The following KIAA1217 variants were observed in gnomAD, a reference collection of about 807,000 sequenced individuals.
KIAA1217 encodes the protein KIAA1217, also known as sickle tail protein homolog.
In KIAA1217, 88 loss-of-function variants were observed where a neutral mutation model predicts 163.9. The observed-to-expected ratio is 0.54, with a 90% CI of 0.45 to 0.64. The LOEUF is 0.64. KIAA1217 is among the 30% of genes least tolerant of loss of function. KIAA1217 has a pLI of 0.00. For missense variants in KIAA1217, 2,372 were observed against 2,475.0 expected, an observed-to-expected ratio of 0.96 and a Z score of 0.88; for synonymous variants, 903 against 923.1, an observed-to-expected ratio of 0.98 and a Z score of 0.39.
chr10:24,075,332 G>C (rs2061336025), intron 2 of KIAA1217, among the ~76,000 whole-genome samples: 1 of 152,098 alleles, frequency 6.6e-6, no homozygotes, highest in African/African-American at 2.4e-5. Flanking sequence ...AACTCTTTAA[G>C]AGCTATTTCT....
chr10:24,154,190 C>T (rs1249793584), intron 2 of KIAA1217, among the ~76,000 whole-genome samples: 1 of 151,888 alleles, frequency 6.6e-6, no homozygotes, highest in African/African-American at 2.4e-5. Context: ...ATCTCCTGAC[C>T]TCGTGATCCG....
At chr10:24,501,889 C>T (rs1276648899) in intron 9 of KIAA1217, among the ~76,000 whole-genome samples, 2 of 151,742 alleles carry the variant, frequency 1.3e-5, no homozygotes, top group East Asian at 1.9e-4. Flanking sequence ...GCTGGAACTA[C>T]AGGCGCCCGC....
chr10:23,916,359 A>C (rs1479601925), intron 1 of KIAA1217, among the ~76,000 whole-genome samples: 1 of 152,174 alleles, frequency 6.6e-6, no homozygotes, highest in African/African-American at 2.4e-5. Context: ...TCTGGCTCTA[A>C]GCAAATCTTC....
chr10:23,851,282 C>A (rs986866279), intron 1 of KIAA1217, among the ~76,000 whole-genome samples: 10 of 151,844 alleles, frequency 6.6e-5, no homozygotes, highest in Non-Finnish European at 1.5e-4. Context: ...TTTGTCCTTG[C>A]GATAGTTTAC....
intron 14 of KIAA1217, among the ~76,000 whole-genome samples, chr10:24,530,695 C>T (rs1318502181): frequency 6.6e-6 from 1 of 152,056 alleles, no homozygotes; most frequent in Non-Finnish European, 1.5e-5. Context: ...GCCAGGACTT[C>T]AAGAGCAGCC....
chr10:23,938,190 G>A lies in KIAA1217; in HGVS notation c.-320-69035G>A, dbSNP rs138527293. On this transcript the variant is annotated intron_variant, in intron 1 of 18. Coordinates refer to the KIAA1217 transcript ENST00000376462. Reference sequence around the variant, plus strand: ...TTCCTCAGAGCTCACGCAAGACTTGGAATAGTCGGTGTTTCCACCAGGCAA... The same window carrying A: ...TTCCTCAGAGCTCACGCAAGACTTGAAATAGTCGGTGTTTCCACCAGGCAA... 3.3e-5 allele frequency among the ~76,000 whole-genome samples: 5 copies of A among 152,234 alleles called. No individual in the cohort carries two copies. The East Asian group carries it at 9.7e-4, about 29-fold the overall frequency.
In KIAA1217 at chr10:24,542,770, G is replaced by GGTGA. The variant is rs2075276724; in HGVS notation, c.3612+3_3612+6dup. 6.2e-7 allele frequency: 1 copy of GGTGA among 1,613,962 alleles called. No homozygotes were observed. On this transcript the variant is annotated frameshift_variant and splice_region_variant. Coordinates refer to ENST00000376454, the MANE Select transcript of KIAA1217 (RefSeq NM_019590.5). LOFTEE classifies it high-confidence loss of function. ...ATGGCCCCCAAATGGAATTCCAAAA[G>GGTGA]GTGAGTTCACCAGATCTGGGTTCCG...
chr10:24,204,094 G>A (rs191238616), upstream of KIAA1217, among the ~76,000 whole-genome samples: 139 of 152,362 alleles, frequency 9.1e-4, no homozygotes, highest in Non-Finnish European at 1.7e-3. Context: ...TTGGATCTAT[G>A]TGTAGTTTCA....
intron 1 of KIAA1217, among the ~76,000 whole-genome samples, chr10:23,844,350 A>G (rs1838924002): frequency 6.6e-6 from 1 of 152,166 alleles, no homozygotes; most frequent in Non-Finnish European, 1.5e-5. Context: ...AGTGAGTAGA[A>G]TAAAAGACTA....
intron 1 of KIAA1217, among the ~76,000 whole-genome samples, chr10:23,994,401 A>C (rs1846372791): frequency 6.6e-6 from 1 of 152,308 alleles, no homozygotes; most frequent in East Asian, 1.9e-4. Flanking sequence ...CCACAGCCCA[A>C]CACCACCTTA....
intron 2 of KIAA1217, among the ~76,000 whole-genome samples, chr10:24,108,992 C>A (rs2131737768): frequency 6.6e-6 from 1 of 152,242 alleles, no homozygotes; most frequent in East Asian, 1.9e-4. Flanking sequence ...GCACCACACC[C>A]AGCTGTTTTT....
Position 24,543,656 on chromosome 10 carries a change from T to C in KIAA1217, c.4386T>C (p.Thr1462=), listed in dbSNP as rs980117754. 3 of 1,613,920 alleles carry C rather than the reference T, an allele frequency of 1.9e-6. No homozygotes were observed. In the African/African-American group the frequency reaches 4.0e-5, roughly 22 times the overall value. The part of the protein sequence containing the change: ...DIRSAYKRLS[T]IFEECDEELE... ...GGTCTGCCTATAAGAGACTTTCAAC[T>C]ATCTTTGAGGAATGTGATGAGGAAT... Residue 1462 remains threonine, a synonymous_variant, in exon 19 of 21, where the codon ACT becomes ACC. Coordinates refer to ENST00000376454, the MANE Select transcript of KIAA1217 (RefSeq NM_019590.5).
intron 1 of KIAA1217, among the ~76,000 whole-genome samples, chr10:23,983,862 T>C (rs1386432291): frequency 6.6e-6 from 1 of 152,226 alleles, no homozygotes; most frequent in Non-Finnish European, 1.5e-5. Context: ...GTCCATATGT[T>C]GCTCTTCTTA....
intron 1 of KIAA1217, among the ~76,000 whole-genome samples, chr10:23,703,627 C>G (rs974208268): frequency 1.3e-5 from 2 of 152,232 alleles, no homozygotes; most frequent in East Asian, 3.9e-4. Context: ...TAACAGTTGG[C>G]TCTCGTGAAT....
At chr10:23,906,483 C>T (rs1341277724) in intron 1 of KIAA1217, among the ~76,000 whole-genome samples, 1 of 152,092 alleles carries the variant, frequency 6.6e-6, no homozygotes, top group Non-Finnish European at 1.5e-5. Flanking sequence ...GTGTGTAAAA[C>T]TAAAATTATG....
At chr10:24,477,345 T>C (rs1290429310) in intron 6 of KIAA1217, among the ~76,000 whole-genome samples, 1 of 152,188 alleles carries the variant, frequency 6.6e-6, no homozygotes, top group East Asian at 1.9e-4. Context: ...TTTTTACAGA[T>C]GGAGAAACTG....
chr10:24,049,062 AC>A (rs1196462789), intron 2 of KIAA1217, among the ~76,000 whole-genome samples: 1 of 148,382 alleles, frequency 6.7e-6, no homozygotes, highest in African/African-American at 2.5e-5. Flanking sequence ...AAATTATCCC[AC>A]CTACTAATGA....
intron 1 of KIAA1217, among the ~76,000 whole-genome samples, chr10:23,704,933 G>A (rs1330491297): frequency 2.0e-5 from 3 of 152,086 alleles, no homozygotes; most frequent in Non-Finnish European, 4.4e-5. Context: ...CAATATGAGG[G>A]TTCCATTTTC....
In KIAA1217 at chr10:24,524,570, G is replaced by T; in HGVS notation, c.2704G>T (p.Ala902Ser). 1.9e-6 allele frequency: 3 copies of T among 1,613,972 alleles called. No homozygotes were observed. The highest frequency in any genetic ancestry group is 2.5e-6 in the Non-Finnish European group (3 of 1,180,022). ...CATCCAGCCCTCCCAGCACTCCGTG[G>T]CCCTGCTGAACCCTGCTCAGAACTT... ...VVIQPSQHSV[A>S]LLNPAQNLPH... The change falls in exon 13 of 21, where the codon GCC becomes TCC. Residue 902 changes from alanine to serine, a missense_variant. Physicochemically the swap from Ala to Ser is moderately conservative, Grantham distance 99. Coordinates refer to ENST00000376454, the MANE Select transcript of KIAA1217 (RefSeq NM_019590.5).
Sources: allele counts gnomAD v4.1 joint callset (sites outside exome capture counted in the v4.1 genomes callset), GRCh38; gene constraint gnomAD v4.1.1; transcripts MANE v1.5; gene names NCBI Gene and HGNC (gene_info 2026-07-23, HGNC 2026-07-21).